ALG1L2: variants seen among roughly 807,000 people sequenced by gnomAD.
ALG1L2 encodes putative glycosyltransferase ALG1L2.
ALG1L2 carries 32 observed loss-of-function variants against 29.0 expected under a neutral mutation model. The observed-to-expected ratio is 1.10, with a 90% CI of 0.83 to 1.48. ALG1L2 has a LOEUF of 1.48. Among genes scored for constraint, ALG1L2 ranks in the 40% most tolerant of loss-of-function variants. The probability of loss-of-function intolerance (pLI) is 0.00; values close to 1 mark genes in which losing one functional copy is unlikely to be tolerated. For missense variants in ALG1L2, 318 were observed against 274.1 expected, an observed-to-expected ratio of 1.16 and a Z score of -1.13; for synonymous variants, 110 against 109.5, an observed-to-expected ratio of 1.00 and a Z score of -0.03.
intron 1 of ALG1L2, among the ~76,000 whole-genome samples, chr3:130,086,761 G>A (rs9840117): frequency 0.28 from 38,407 of 138,822 alleles, 6,201 homozygotes; most frequent in Non-Finnish European, 0.33. Flanking sequence ...ATGAAGGATT[G>A]TGAAACAAAA....
At chr3:130,091,970 C>T (rs868501900) in intron 2 of ALG1L2, 131 bp from the exon 3 acceptor site, 20 of 1,461,556 alleles carry the variant, frequency 1.4e-5, no homozygotes, top group African/African-American at 2.8e-5. Context: ...GCAGGGGTGG[C>T]CTGGTGCTGC....
At chr3:130,091,147 G>T (rs1388121008) in intron 1 of ALG1L2, 114 bp from the exon 2 acceptor site, 15 of 933,886 alleles carry the variant, frequency 1.6e-5, no homozygotes, top group African/African-American at 4.9e-5. Context: ...AGGAAATAAA[G>T]GTTGTTTTGC....
chr3:130,098,289 C>A lies in ALG1L2; in HGVS notation c.*34C>A, dbSNP rs777062625. On this transcript the variant is annotated 3_prime_UTR_variant, in exon 8 of 8. Transcript: ENST00000425059. ...GCAAGCTAAACCAGTTCCGGAAGAA[C>A]CTGCGGGAGTCGCAGCAGCTCTGAT... 10 of 1,596,312 alleles carry A rather than the reference C, an allele frequency of 6.3e-6. No individual in the cohort carries two copies. Among genetic ancestry groups the A allele is most frequent in the Non-Finnish European group, 8.5e-6 (10 of 1,179,778 alleles).
intron 1 of ALG1L2, among the ~76,000 whole-genome samples, chr3:130,087,414 C>T (rs9844814): frequency 0.22 from 33,093 of 147,688 alleles, 250 homozygotes; most frequent in Non-Finnish European, 0.25. Flanking sequence ...TACAGAGACA[C>T]AACAACTGAA....
intron 1 of ALG1L2, among the ~76,000 whole-genome samples, chr3:130,087,238 C>T (rs184300711): frequency 2.2e-3 from 331 of 150,850 alleles, no homozygotes; most frequent in African/African-American, 7.5e-3. Flanking sequence ...GACACCATTG[C>T]TGTGATAGTC....
intron 1 of ALG1L2, among the ~76,000 whole-genome samples, chr3:130,085,643 T>G (rs1392280831): frequency 6.6e-6 from 1 of 151,650 alleles, no homozygotes; most frequent in East Asian, 1.9e-4. Flanking sequence ...ATATGTCACA[T>G]TTTGAGGTAC....
chr3:130,097,974 A>C (rs1935179954), intron 7 of ALG1L2, among the ~76,000 whole-genome samples: 1 of 152,192 alleles, frequency 6.6e-6, no homozygotes, highest in Non-Finnish European at 1.5e-5. Context: ...CTCACAGGGG[A>C]ACGTACATCA....
intron 1 of ALG1L2, among the ~76,000 whole-genome samples, chr3:130,088,910 G>A (rs138367698): frequency 7.3e-3 from 1,108 of 152,356 alleles, no homozygotes; most frequent in African/African-American, 0.026. Context: ...TATTAGCAGA[G>A]TGAGAATGGA....
At chr3:130,091,178 C>A (rs570839495) in intron 1 of ALG1L2, 83 bp from the exon 2 acceptor site, 8 of 1,307,548 alleles carry the variant, frequency 6.1e-6, no homozygotes, top group Non-Finnish European at 8.6e-6. Context: ...TGACGTTGGG[C>A]ATGGAACCCA....
intron 1 of ALG1L2, chr3:130,090,882 C>T (rs6439209): frequency 1 from 239,508 of 240,438 alleles, 119,297 homozygotes; most frequent in Middle Eastern, 1. Flanking sequence ...GGATGAAGAC[C>T]CCTGGTTCGT....
chr3:130,084,189 G>A (rs1467276811), intron 1 of ALG1L2, among the ~76,000 whole-genome samples: 1 of 151,054 alleles, frequency 6.6e-6, no homozygotes, highest in African/African-American at 2.4e-5. Flanking sequence ...AGCTGGGTAT[G>A]GTGGCTCACA....
In ALG1L2 at chr3:130,083,400, C is replaced by T. The variant is rs1257438918; in HGVS notation, c.20+1364C>T. Among the ~76,000 whole-genome samples, 5 of 128,932 alleles carry T rather than the reference C, an allele frequency of 3.9e-5. 1 individual carries two copies. Among genetic ancestry groups the T allele is most frequent in the Non-Finnish European group, 7.2e-5 (4 of 55,856 alleles). The allele number at this position is 128,932 out of a possible 152,430, so 84.6% of individuals were successfully genotyped here. ...CAGAGGTTGCAGTGAGCTGAGATCT[C>T]ACCCTGCACTCCAGCCTGGGCAAGA... On this transcript the variant is annotated intron_variant, in intron 1 of 7. Coordinates refer to ENST00000425059, the MANE Select transcript of ALG1L2 (RefSeq NM_001136152.1).
chr3:130,091,372 G>A lies in ALG1L2; in HGVS notation c.131+1G>A, dbSNP rs1161041627. 26 of 1,596,478 alleles carry A rather than the reference G, an allele frequency of 1.6e-5. No individual in the cohort carries two copies. Among genetic ancestry groups the A allele is most frequent in the Non-Finnish European group, 2.2e-5 (26 of 1,179,530 alleles). On this transcript the variant is annotated splice_donor_variant, in intron 2 of 7. Coordinates refer to ENST00000425059, the MANE Select transcript of ALG1L2 (RefSeq NM_001136152.1). LOFTEE classifies it high-confidence loss of function. ...GCACGCACTCTCCGTTCAGGGCCCGGTAGGCCTCCCACCCTCAGCTGCCTT... is the reference window on the plus strand; with the variant it reads ...GCACGCACTCTCCGTTCAGGGCCCGATAGGCCTCCCACCCTCAGCTGCCTT...
At chr3:130,094,836 G>T (rs1935096264) in intron 5 of ALG1L2, among the ~76,000 whole-genome samples, 2 of 152,240 alleles carry the variant, frequency 1.3e-5, no homozygotes, top group Admixed American at 1.3e-4. Flanking sequence ...GGAGGGCAGT[G>T]GCTTTGGGAG....
At chr3:130,095,687 C>G (rs1265610955) in intron 5 of ALG1L2, among the ~76,000 whole-genome samples, 1 of 151,014 alleles carries the variant, frequency 6.6e-6, no homozygotes, top group Non-Finnish European at 1.5e-5. Flanking sequence ...GGTGATCCGC[C>G]CGCCTTGGCC....
Position 130,094,470 on chromosome 3 carries a change from C to A in ALG1L2, c.381C>A (p.Val127=). The A allele has an allele frequency of 6.3e-7, 1 of 1,596,090 alleles. No homozygotes were observed. The highest frequency in any genetic ancestry group is 2.3e-4 in the Middle Eastern group (1 of 4,438). ...AGAAGCATTTCCAGCACATCCAGGT[C>A]TGCATCCCCTGGCTGGAGGGCCGAG... The part of the protein sequence containing the change: ...IHQKHFQHIQ[V]CIPWLEGRGL... The change falls in exon 5 of 8, where the codon GTC becomes GTA. Residue 127 remains valine, a synonymous_variant. Coordinates refer to ENST00000425059, the MANE Select transcript of ALG1L2 (RefSeq NM_001136152.1).
chr3:130,093,074 T>C, intron 3 of ALG1L2, 27 bp from the exon 4 acceptor site: 7 of 1,560,660 alleles, frequency 4.5e-6, no homozygotes, highest in Non-Finnish European at 6.1e-6. Context: ...AAATTCCATG[T>C]AGAATTGTTT....
chr3:130,087,333 C>A (rs1379432864), intron 1 of ALG1L2, among the ~76,000 whole-genome samples: 1 of 149,012 alleles, frequency 6.7e-6, no homozygotes, highest in African/African-American at 2.4e-5. Context: ...AACCGTCTTG[C>A]GTTCTTCAAG....
In ALG1L2 at chr3:130,081,940, A is replaced by C; in HGVS notation, c.-77A>C. The stretch of plus-strand genomic sequence containing the variant: ...TCCAGGATCAGCAGAGCTCGATTGT[A>C]GGGTGTGAGGCTGTCACAGAGGCTG... On this transcript the variant is annotated 5_prime_UTR_variant, in exon 1 of 8. Transcript: ENST00000425059. 7.4e-7 allele frequency: 1 copy of C among 1,356,338 alleles called. No homozygotes were observed. Among genetic ancestry groups the C allele is most frequent in the Non-Finnish European group, 1.0e-6 (1 of 972,454 alleles). 84.0% of individuals were successfully genotyped at this position (1,356,338 alleles called of 1,614,324 possible). A position where few individuals can be genotyped will look rare whatever the true frequency, so the allele number is the denominator to read the frequency against.
Sources: gnomAD v4.1 joint callset for allele counts (sites outside exome capture counted in the v4.1 genomes callset) on GRCh38, gnomAD v4.1.1 for gene constraint, MANE v1.5 for transcripts, NCBI Gene and HGNC (gene_info 2026-07-23, HGNC 2026-07-21) for gene names.